Variants in KCND2 observed in about 807,000 individuals in gnomAD.
KCND2 encodes potassium voltage-gated channel subfamily D member 2.
Under a neutral mutation model 54.4 loss-of-function variants are expected in KCND2, and 16 were observed. That is an observed-to-expected ratio of 0.29 (90% CI 0.20 to 0.45). The LOEUF is 0.45. Ranked by LOEUF, KCND2 falls within the 20% of genes least tolerant of loss-of-function variation. The probability of loss-of-function intolerance (pLI) is 1.00; values close to 1 mark genes in which losing one functional copy is unlikely to be tolerated. For missense variants in KCND2, 486 were observed against 824.2 expected (o/e 0.59, Z 5.02); for synonymous variants, 317 against 310.7 (o/e 1.02, Z -0.21).
chr7:120,667,569 G>C (rs1224516387), intron 1 of KCND2, among the ~76,000 whole-genome samples: 1 of 152,030 alleles, frequency 6.6e-6, no homozygotes, highest in Non-Finnish European at 1.5e-5. Context: ...GCACCAGGTT[G>C]AGTGAGATTA....
intron 1 of KCND2, among the ~76,000 whole-genome samples, chr7:120,544,202 G>A (rs1584821402): frequency 6.6e-6 from 1 of 151,864 alleles, no homozygotes; most frequent in Admixed American, 6.6e-5. Flanking sequence ...AAAGAGTTGA[G>A]GTTATATGTT....
At chr7:120,424,535 G>A (rs181461808) in intron 1 of KCND2, among the ~76,000 whole-genome samples, 17 of 152,298 alleles carry the variant, frequency 1.1e-4, no homozygotes, top group East Asian at 9.6e-4. Flanking sequence ...GTTAAAGGTC[G>A]TAAACCTAGT....
At chr7:120,689,356 A>G (rs929466407) in intron 1 of KCND2, among the ~76,000 whole-genome samples, 1 of 152,174 alleles carries the variant, frequency 6.6e-6, no homozygotes, top group Admixed American at 6.5e-5. Context: ...ATTTTTTTAA[A>G]TGTTGATGCC....
At chr7:120,514,170 T>A (rs1803162104) in intron 1 of KCND2, among the ~76,000 whole-genome samples, 1 of 152,096 alleles carries the variant, frequency 6.6e-6, no homozygotes, top group African/African-American at 2.4e-5. Context: ...GTGGCAAATC[T>A]GAATTATATA....
chr7:120,742,383 T>A (rs1247011069), intron 3 of KCND2, 127 bp from the exon 4 acceptor site: 2 of 798,234 alleles, frequency 2.5e-6, no homozygotes, highest in Non-Finnish European at 4.4e-6. Flanking sequence ...CATTTGTTCC[T>A]TTCTAGTTAG....
intron 1 of KCND2, among the ~76,000 whole-genome samples, chr7:120,371,829 A>C (rs1282065284): frequency 6.6e-6 from 1 of 151,980 alleles, no homozygotes; most frequent in African/African-American, 2.4e-5. Context: ...CTAGGTGTCT[A>C]GTAGGCTACA....
chr7:120,444,455 C>A (rs971726378), intron 1 of KCND2, among the ~76,000 whole-genome samples: 1 of 152,068 alleles, frequency 6.6e-6, no homozygotes, highest in Non-Finnish European at 1.5e-5. Flanking sequence ...ATCTTCTATA[C>A]CAGATCAGTG....
chr7:120,604,945 T>G (rs2116478040), intron 1 of KCND2, among the ~76,000 whole-genome samples: 1 of 152,312 alleles, frequency 6.6e-6, no homozygotes, highest in Middle Eastern at 3.4e-3. Flanking sequence ...AATTGTAATT[T>G]TCTCCTCTCC....
At chr7:120,721,629 A>G (rs1235639970) in intron 1 of KCND2, among the ~76,000 whole-genome samples, 1 of 152,138 alleles carries the variant, frequency 6.6e-6, no homozygotes, top group Non-Finnish European at 1.5e-5. Flanking sequence ...CTCTAATCTC[A>G]TCTCCTTTTA....
At chr7:120,532,537 C>G (rs556775209) in intron 1 of KCND2, among the ~76,000 whole-genome samples, 5 of 151,606 alleles carry the variant, frequency 3.3e-5, no homozygotes, top group Non-Finnish European at 7.4e-5. Flanking sequence ...TTTGAGGAAA[C>G]TAGGATCAAG....
rs116751573 is a variant in KCND2, at chr7:120,476,594, T to C, written c.1115+200847T>C. On this transcript the variant is annotated intron_variant, in intron 1 of 5. Transcript: ENST00000331113. ...TAAACTTGACCTCCTCTTATTCATA[T>C]TAAATTGTTGTTTTCCCACTATATG... Among the ~76,000 whole-genome samples, 763 of 152,324 alleles carry C rather than the reference T, an allele frequency of 5.0e-3. 4 individuals carry two copies. The highest frequency in any genetic ancestry group is 0.017 in the African/African-American group (707 of 41,580).
rs543097465 is a variant in KCND2 at position 120,595,344 on chromosome 7, A to G, written c.1116-137559A>G. ...CACACACCTGTACTCCCAGCTACTC[A>G]GGAGGCTGAGACATGAGAATCACTT... On this transcript the variant is annotated intron_variant, in intron 1 of 5. Coordinates refer to ENST00000331113, the MANE Select transcript of KCND2 (RefSeq NM_012281.3). Among the ~76,000 whole-genome samples the G allele has an allele frequency of 7.9e-5, 12 of 151,110 alleles. 1 individual carries two copies. The East Asian group carries it at 2.4e-3, about 30-fold the overall frequency.
At chr7:120,521,872 G>T (rs1367385932) in intron 1 of KCND2, among the ~76,000 whole-genome samples, 2 of 152,144 alleles carry the variant, frequency 1.3e-5, no homozygotes, top group African/African-American at 4.8e-5. Context: ...TAGGTTGGGA[G>T]AAAACTCTGT....
Position 120,274,260 on chromosome 7 carries a change from C to T in KCND2, c.-373C>T, listed in dbSNP as rs1799137996. On this transcript the variant is annotated 5_prime_UTR_variant, in exon 1 of 6. Coordinates refer to ENST00000331113, the MANE Select transcript of KCND2 (RefSeq NM_012281.3). The stretch of plus-strand genomic sequence containing the variant: ...TCTATCCTACACTCCACATACTGAC[C>T]CTATATTATCCAGACTGTGCCGGGG... 2 of 361,876 alleles carry T rather than the reference C, an allele frequency of 5.5e-6. No homozygotes were observed. The highest frequency in any genetic ancestry group is 1.0e-5 in the Non-Finnish European group (2 of 194,284). 22.4% of individuals were successfully genotyped at this position (361,876 alleles called of 1,614,324 possible). A position where few individuals can be genotyped will look rare whatever the true frequency, so the allele number is the denominator to read the frequency against.
chr7:120,727,298 A>C (rs1239707515), intron 1 of KCND2, among the ~76,000 whole-genome samples: 1 of 152,324 alleles, frequency 6.6e-6, no homozygotes, highest in African/African-American at 2.4e-5. Context: ...GAAATACTAA[A>C]CAGGGAAATA....
At chr7:120,545,070 T>C (rs532299883) in intron 1 of KCND2, among the ~76,000 whole-genome samples, 40 of 152,048 alleles carry the variant, frequency 2.6e-4, no homozygotes, top group African/African-American at 9.1e-4. Flanking sequence ...TCTCTTCTTC[T>C]CTTATATATT....
chr7:120,512,309 G>T (rs1004715884), intron 1 of KCND2, among the ~76,000 whole-genome samples: 3 of 151,838 alleles, frequency 2.0e-5, no homozygotes, highest in Admixed American at 2.0e-4. Flanking sequence ...TATATGTACA[G>T]TTGTTTATTT....
intron 1 of KCND2, among the ~76,000 whole-genome samples, chr7:120,584,767 C>G (rs143197857): frequency 5.3e-4 from 80 of 152,272 alleles, no homozygotes; most frequent in Non-Finnish European, 9.4e-4. Flanking sequence ...CACGCATGCG[C>G]GTGCACACAC....
At chr7:120,405,968 A>G (rs1801349481) in intron 1 of KCND2, among the ~76,000 whole-genome samples, 1 of 151,954 alleles carries the variant, frequency 6.6e-6, no homozygotes, top group Non-Finnish European at 1.5e-5. Context: ...AAAAAGGAAA[A>G]TTCATTTGTT....
Sources: gnomAD v4.1 joint callset for allele counts (sites outside exome capture counted in the v4.1 genomes callset) on GRCh38, gnomAD v4.1.1 for gene constraint, MANE v1.5 for transcripts, NCBI Gene and HGNC (gene_info 2026-07-23, HGNC 2026-07-21) for gene names.